Variants in RTL4 observed in about 807,000 individuals in gnomAD.
RTL4 encodes the protein retrotransposon Gag like 4.
In RTL4, 4 loss-of-function variants were observed where a neutral mutation model predicts 5.3. The observed-to-expected ratio is 0.75, with a 90% CI of 0.37 to 1.72. RTL4 has a LOEUF of 1.72. Among genes scored for constraint, RTL4 ranks in the 40% most tolerant of loss-of-function variants. The probability of loss-of-function intolerance (pLI) is 0.04; values close to 1 mark genes in which losing one functional copy is unlikely to be tolerated. For missense variants in RTL4, 260 were observed against 227.1 expected (o/e 1.14, Z -0.93); for synonymous variants, 98 against 87.3 (o/e 1.12, Z -0.68).
At chrX:112,251,805 G>A in the RTL4 span, among the ~76,000 whole-genome samples, 91 of 111,930 alleles carry the variant, frequency 8.1e-4, 1 homozygote, top group South Asian at 7.1e-3. Flanking sequence ...GGATAAAATA[G>A]CTTTTAATTT....
chrX:112,378,775 A>T, the RTL4 span, among the ~76,000 whole-genome samples: 2 of 111,985 alleles, frequency 1.8e-5, no homozygotes, highest in Non-Finnish European at 3.8e-5. Flanking sequence ...AATACAGTGG[A>T]GTGCCACTAC....
At chrX:112,128,387 G>C in the RTL4 span, among the ~76,000 whole-genome samples, 1 of 111,550 alleles carries the variant, frequency 9.0e-6, no homozygotes, top group Non-Finnish European at 1.9e-5. Flanking sequence ...CTTGGGGCCC[G>C]GCGCGGTGGC....
At chrX:112,418,134 C>A in the RTL4 span, among the ~76,000 whole-genome samples, 1 of 111,148 alleles carries the variant, frequency 9.0e-6, no homozygotes, top group African/African-American at 3.3e-5. Flanking sequence ...GGCCACAGAG[C>A]GAGACTCTGT....
the RTL4 span, among the ~76,000 whole-genome samples, chrX:112,417,383 T>G: frequency 3.6e-5 from 4 of 111,874 alleles, no homozygotes; most frequent in Non-Finnish European, 7.5e-5. Context: ...TAGGGGAGGA[T>G]AATGTCCAAA....
chrX:112,126,510 G>A, the RTL4 span, among the ~76,000 whole-genome samples: 19 of 111,911 alleles, frequency 1.7e-4, no homozygotes, highest in African/African-American at 5.8e-4. Flanking sequence ...GCACAGCAAG[G>A]ATATAGAGAA....
chrX:112,277,678 T>C, the RTL4 span, among the ~76,000 whole-genome samples: 1 of 111,493 alleles, frequency 9.0e-6, no homozygotes, highest in Non-Finnish European at 1.9e-5. Flanking sequence ...GTTTAAAAAG[T>C]AAATCCCCAA....
At chrX:112,149,003 C>A in the RTL4 span, among the ~76,000 whole-genome samples, 4 of 111,461 alleles carry the variant, frequency 3.6e-5, no homozygotes, top group East Asian at 1.1e-3. Flanking sequence ...CCTCAGGTAT[C>A]TTAGAATCTC....
chrX:112,423,927 G>T, the RTL4 span, among the ~76,000 whole-genome samples: 1 of 111,161 alleles, frequency 9.0e-6, no homozygotes, highest in African/African-American at 3.3e-5. Context: ...CCCAGAATTT[G>T]GTCATAACTT....
chrX:112,141,573 G>A, the RTL4 span, among the ~76,000 whole-genome samples: 1 of 111,262 alleles, frequency 9.0e-6, no homozygotes, highest in African/African-American at 3.3e-5. Flanking sequence ...CTCTAATTCT[G>A]CTTTTGGAGA....
chrX:112,315,575 T>C, the RTL4 span, among the ~76,000 whole-genome samples: 1 of 111,974 alleles, frequency 8.9e-6, no homozygotes, highest in African/African-American at 3.2e-5. Flanking sequence ...TTTCCCATTT[T>C]CCCCCCAACA....
the RTL4 span, among the ~76,000 whole-genome samples, chrX:112,401,222 C>G: frequency 9.0e-6 from 1 of 111,437 alleles, no homozygotes; most frequent in Non-Finnish European, 1.9e-5. Flanking sequence ...CTCTTAGTTC[C>G]TGTGACATGA....
chrX:112,420,105 C>A, the RTL4 span, among the ~76,000 whole-genome samples: 1 of 110,554 alleles, frequency 9.0e-6, no homozygotes, highest in Non-Finnish European at 1.9e-5. Context: ...AATGGATTAA[C>A]CCTGTTATAT....
chrX:112,218,150 G>T, the RTL4 span, among the ~76,000 whole-genome samples: 2 of 112,123 alleles, frequency 1.8e-5, no homozygotes, highest in Non-Finnish European at 3.8e-5. Context: ...CTAGTAGCTT[G>T]TCAAGAGTTC....
chrX:112,353,186 G>A, the RTL4 span, among the ~76,000 whole-genome samples: 1 of 111,743 alleles, frequency 8.9e-6, no homozygotes, highest in Non-Finnish European at 1.9e-5. Context: ...GGAAACAACA[G>A]GTGCTGGAGA....
the RTL4 span, among the ~76,000 whole-genome samples, chrX:112,105,543 TTG>T: frequency 9.0e-6 from 1 of 111,591 alleles, no homozygotes; most frequent in Non-Finnish European, 1.9e-5. Context: ...TTCCATTTAT[TTG>T]TACCTTCTTC....
At chrX:112,315,749 C>T in the RTL4 span, among the ~76,000 whole-genome samples, 1 of 111,661 alleles carries the variant, frequency 9.0e-6, no homozygotes, top group African/African-American at 3.3e-5. Context: ...AAGAACCATC[C>T]ATGCTCTTTG....
At chrX:112,327,417 T>C in the RTL4 span, among the ~76,000 whole-genome samples, 2 of 110,413 alleles carry the variant, frequency 1.8e-5, no homozygotes, top group Admixed American at 9.7e-5. Flanking sequence ...CGATGGAAGA[T>C]GAAATGAATG....
the RTL4 span, among the ~76,000 whole-genome samples, chrX:112,146,838 T>TA: frequency 9.3e-6 from 1 of 107,693 alleles, no homozygotes; most frequent in African/African-American, 3.4e-5. Flanking sequence ...TAACTGGAAC[T>TA]ACTGTATAAT....
At chrX:112,228,149 T>TG in the RTL4 span, among the ~76,000 whole-genome samples, 4 of 111,068 alleles carry the variant, frequency 3.6e-5, no homozygotes, top group Non-Finnish European at 7.6e-5. Context: ...CCCCTACCTG[T>TG]GGATGCTGGG....
Sources: allele counts gnomAD v4.1 joint callset (sites outside exome capture counted in the v4.1 genomes callset), GRCh38; gene constraint gnomAD v4.1.1; transcripts MANE v1.5; gene names NCBI Gene and HGNC (gene_info 2026-07-23, HGNC 2026-07-21).